MPHOSPH9: variants seen among roughly 807,000 people sequenced by gnomAD.
The protein encoded by MPHOSPH9 is M-phase phosphoprotein 9.
MPHOSPH9 carries 88 observed loss-of-function variants against 145.5 expected under a neutral mutation model. The ratio of observed to expected loss-of-function variants is 0.60; its 90% confidence interval spans 0.51 to 0.72. MPHOSPH9 has a LOEUF of 0.72. Among genes scored for constraint, MPHOSPH9 ranks in the 30% least tolerant of loss-of-function variants. The pLI is 0.00. For synonymous variants in MPHOSPH9, 435 were observed against 486.2 expected, an observed-to-expected ratio of 0.89 and a Z score of 1.39; for missense variants, 1,238 against 1,386.6, an observed-to-expected ratio of 0.89 and a Z score of 1.70.
chr12:123,171,749 AAAACAAAC>A (rs144074005), intron 16 of MPHOSPH9, among the ~76,000 whole-genome samples: 5,395 of 152,146 alleles, frequency 0.035, 292 homozygotes, highest in African/African-American at 0.12. Context: ...ACTCCATCTC[AAAACAAAC>A]AAACAAACAA....
intron 3 of MPHOSPH9, among the ~76,000 whole-genome samples, chr12:123,224,323 A>G (rs1352335984): frequency 6.6e-6 from 1 of 151,650 alleles, no homozygotes; most frequent in Non-Finnish European, 1.5e-5. Flanking sequence ...TTTAGTGGAG[A>G]CGGGGTTTCA....
rs1565894466 is a variant in MPHOSPH9, at chr12:123,161,183, C to G, written c.3334G>C (p.Ala1112Pro). The G allele has an allele frequency of 1.2e-6, 2 of 1,614,150 alleles. No homozygotes were observed. Among genetic ancestry groups the G allele is most frequent in the African/African-American group, 1.3e-5 (1 of 75,038 alleles). ...TCATCAAAAAATCGTTCTGTTTCAG[C>G]TAGGGTCCGAATTTTTGCTGTATAT... ...FEYTAKIRTL[A>P]ETERFFDELT... The change falls in exon 22 of 24, where the codon GCT becomes CCT. Residue 1112 changes from alanine (A) to proline (P), a missense_variant. Transcript: ENST00000606320.
At chr12:123,164,427 G>C (rs941549408) in intron 18 of MPHOSPH9, among the ~76,000 whole-genome samples, 4 of 152,168 alleles carry the variant, frequency 2.6e-5, no homozygotes, top group Non-Finnish European at 5.9e-5. Context: ...CACTGCTTGG[G>C]AGATGTAACC....
intron 16 of MPHOSPH9, among the ~76,000 whole-genome samples, chr12:123,172,871 CTT>C (rs1161727056): frequency 3.5e-5 from 2 of 57,930 alleles, no homozygotes; most frequent in African/African-American, 1.1e-4. Flanking sequence ...TTTTCATTCA[CTT>C]TTTTTTTTTT....
chr12:123,181,845 ACT>A (rs2045168706), intron 13 of MPHOSPH9, among the ~76,000 whole-genome samples: 1 of 152,084 alleles, frequency 6.6e-6, no homozygotes, highest in African/African-American at 2.4e-5. Flanking sequence ...AGATTGCACC[ACT>A]GCACTCTAGC....
intron 6 of MPHOSPH9, among the ~76,000 whole-genome samples, chr12:123,216,298 G>C (rs2046957380): frequency 6.6e-6 from 1 of 152,060 alleles, no homozygotes; most frequent in Non-Finnish European, 1.5e-5. Flanking sequence ...GGTGATATCA[G>C]GAAGCCTAAA....
chr12:123,235,878 A>G (rs538127824), upstream of MPHOSPH9, among the ~76,000 whole-genome samples: 14 of 151,866 alleles, frequency 9.2e-5, no homozygotes, highest in South Asian at 2.9e-3. Flanking sequence ...AGCCTGGCCA[A>G]CATGGTGAAA....
chr12:123,172,558 C>G (rs148129654), intron 16 of MPHOSPH9, among the ~76,000 whole-genome samples: 1,814 of 152,300 alleles, frequency 0.012, 16 homozygotes, highest in Non-Finnish European at 0.019. Context: ...GTCTCGAACT[C>G]CTGACCTCAG....
intron 5 of MPHOSPH9, among the ~76,000 whole-genome samples, chr12:123,221,149 T>G (rs530027540): frequency 2.0e-5 from 3 of 152,368 alleles, no homozygotes; most frequent in African/African-American, 7.2e-5. Flanking sequence ...CTTTTCTATT[T>G]TCTGGCAAAG....
At chr12:123,209,808 C>G (rs541349578) in intron 8 of MPHOSPH9, among the ~76,000 whole-genome samples, 1 of 151,368 alleles carries the variant, frequency 6.6e-6, no homozygotes, top group African/African-American at 2.4e-5. Context: ...GCAATCTCCC[C>G]TCACTATAAG....
At chr12:123,235,277 T>C (rs2047826661), upstream of MPHOSPH9, among the ~76,000 whole-genome samples, 1 of 152,184 alleles carries the variant, frequency 6.6e-6, no homozygotes, top group African/African-American at 2.4e-5. Context: ...ATTGTGGCAT[T>C]GAGACATTGA....
chr12:123,206,511 G>GAGAAGAGAAGAGAAGAGAA (rs1565950068), intron 8 of MPHOSPH9, among the ~76,000 whole-genome samples: 2 of 87,826 alleles, frequency 2.3e-5, no homozygotes, highest in African/African-American at 8.7e-5. Flanking sequence ...GGAGAGGAGA[G>GAGAAGAGAAGAGAAGAGAA]GAGAAGAGAA....
chr12:123,221,236 CTTTG>C (rs1197840761), intron 5 of MPHOSPH9, 132 bp downstream of exon 5: 7 of 714,356 alleles, frequency 9.8e-6, no homozygotes, highest in African/African-American at 7.2e-5. Context: ...ATATAGTGTG[CTTTG>C]TTTATTTCAA....
chr12:123,202,326 C>T lies in MPHOSPH9; in HGVS notation c.1782-7G>A, dbSNP rs1386973800. 2 of 1,578,884 alleles carry T rather than the reference C, an allele frequency of 1.3e-6. No homozygotes were observed. The highest frequency in any genetic ancestry group is 8.6e-7 in the Non-Finnish European group (1 of 1,168,550). On this transcript the variant is annotated splice_region_variant and splice_polypyrimidine_tract_variant and intron_variant, in intron 10 of 23. Transcript: ENST00000606320. ...CTTCAGATTCTGCCTAATCCTTATT[C>T]AGTGAGAATAAAAAATATATATTAG...
chr12:123,197,031 GTTTTTTTTTTTTTT>G (rs56061451), intron 12 of MPHOSPH9, among the ~76,000 whole-genome samples: 7 of 73,006 alleles, frequency 9.6e-5, no homozygotes, highest in Non-Finnish European at 1.3e-4. Context: ...AGGGGTGTGG[GTTTTTTTTTTTTTT>G]TTTTTTTTTT....
At chr12:123,167,675 T>C (rs1288759365) in intron 16 of MPHOSPH9, among the ~76,000 whole-genome samples, 1 of 152,184 alleles carries the variant, frequency 6.6e-6, no homozygotes, top group African/African-American at 2.4e-5. Context: ...ATAAATTTCT[T>C]TGGAGAGTCA....
At chr12:123,214,326 C>T (rs1212792827) in intron 7 of MPHOSPH9, among the ~76,000 whole-genome samples, 1 of 152,038 alleles carries the variant, frequency 6.6e-6, no homozygotes, top group Non-Finnish European at 1.5e-5. Flanking sequence ...ATTGCTTGCA[C>T]CCAGGAGTTC....
intron 14 of MPHOSPH9, among the ~76,000 whole-genome samples, chr12:123,180,492 C>G (rs1421845252): frequency 2.6e-5 from 4 of 152,148 alleles, no homozygotes; most frequent in Admixed American, 6.6e-5. Flanking sequence ...AGTCTCCAAA[C>G]AGAGCTTTCA....
At position 123,163,773 on chromosome 12, in the gene MPHOSPH9, T is replaced by C. The variant is rs528923298; in HGVS notation, c.2908+177A>G. ...TCTTCATTTACATTTGTAGTATCTA[T>C]GTGATCAGACAATTTTATTTATGAA... is the stretch of plus-strand genomic sequence containing the variant. On this transcript the variant is annotated intron_variant, in intron 19 of 23. Coordinates refer to ENST00000606320, the MANE Select transcript of MPHOSPH9 (RefSeq NM_022782.4). The C allele has an allele frequency of 2.5e-5, 15 of 590,750 alleles. No homozygotes were observed. In the South Asian group the frequency reaches 3.8e-4, roughly 15 times the overall value. The allele number at this position is 590,750 out of a possible 1,614,324, so 36.6% of individuals were successfully genotyped here.
Sources: allele counts gnomAD v4.1 joint callset (sites outside exome capture counted in the v4.1 genomes callset), GRCh38; gene constraint gnomAD v4.1.1; transcripts MANE v1.5; gene names NCBI Gene and HGNC (gene_info 2026-07-23, HGNC 2026-07-21).